Variants in TMEM63C observed in about 807,000 individuals in gnomAD.
TMEM63C encodes the protein osmosensitive cation channel TMEM63C.
A neutral mutation model predicts 99.2 loss-of-function variants in TMEM63C; 32 were observed. That is an observed-to-expected ratio of 0.32 (90% confidence interval 0.24 to 0.43). The LOEUF (loss-of-function observed/expected upper bound fraction) is 0.43, where lower values mean the gene tolerates loss of function less well. Among genes scored for constraint, TMEM63C ranks in the 20% least tolerant of loss-of-function variants. The pLI is 1.00. For synonymous variants in TMEM63C, 376 were observed against 397.9 expected (o/e 0.94, Z 0.66); for missense variants, 826 against 1,053.0 (o/e 0.78, Z 2.98).
At chr14:77,248,242 T>G (rs1051964722) in intron 18 of TMEM63C, 105 bp from the exon 19 acceptor site, 13 of 993,938 alleles carry the variant, frequency 1.3e-5, no homozygotes, top group Non-Finnish European at 1.8e-5. Context: ...GTATCTCCAC[T>G]CCGATTCCCA....
chr14:77,208,478 G>C (rs1234124580), intron 1 of TMEM63C, among the ~76,000 whole-genome samples: 1 of 152,196 alleles, frequency 6.6e-6, no homozygotes, highest in Non-Finnish European at 1.5e-5. Context: ...AACACGGCCT[G>C]AGCACCAGGG....
At position 77,218,930 on chromosome 14, in the gene TMEM63C, C is replaced by T. The variant is rs1888640892; in HGVS notation, c.117C>T (p.Pro39=). 11 of 1,606,426 alleles carry T rather than the reference C, an allele frequency of 6.8e-6. No homozygotes were observed. Among genetic ancestry groups the T allele is most frequent in the Non-Finnish European group, 9.3e-6 (11 of 1,176,538 alleles). ...AGGGGCAGCCCTTTGGGGGTGTCCC[C>T]ACCGTGCTGTGCCTCAACATCGCCC... ...VLQGQPFGGV[P]TVLCLNIALW... The change falls in exon 3 of 24, where the codon CCC becomes CCT. Residue 39 remains proline, a synonymous_variant. Coordinates refer to ENST00000298351, the MANE Select transcript of TMEM63C (RefSeq NM_020431.4).
intron 2 of TMEM63C, among the ~76,000 whole-genome samples, chr14:77,216,329 T>C (rs74879307): frequency 0.018 from 2,734 of 152,298 alleles, 85 homozygotes; most frequent in African/African-American, 0.062. Context: ...CCTGTAGATA[T>C]TGGCGCACCC....
intron 9 of TMEM63C, 74 bp downstream of exon 9, chr14:77,236,806 C>G: frequency 9.7e-7 from 1 of 1,030,626 alleles, no homozygotes; most frequent in South Asian, 1.3e-5. Context: ...CACTTCCAAC[C>G]CTCAGAGAAG....
intron 22 of TMEM63C, among the ~76,000 whole-genome samples, 174 bp downstream of exon 22, chr14:77,252,072 C>T (rs961032020): frequency 2.2e-5 from 3 of 137,440 alleles, no homozygotes; most frequent in African/African-American, 9.1e-5. Flanking sequence ...GCGTGCATGC[C>T]TTGCGTGCAT....
chr14:77,198,067 G>A (rs1294323438), intron 1 of TMEM63C, among the ~76,000 whole-genome samples: 2 of 152,226 alleles, frequency 1.3e-5, no homozygotes, highest in East Asian at 3.8e-4. Context: ...CTCCAGCCTT[G>A]GTCCACATCA....
intron 1 of TMEM63C, among the ~76,000 whole-genome samples, chr14:77,186,361 C>G (rs1275668898): frequency 6.6e-6 from 1 of 152,080 alleles, no homozygotes; most frequent in African/African-American, 2.4e-5. Context: ...AATGGCTGAC[C>G]AACAATGTCG....
chr14:77,230,929 A>G (rs529251674), intron 6 of TMEM63C, among the ~76,000 whole-genome samples: 1 of 152,328 alleles, frequency 6.6e-6, no homozygotes, highest in East Asian at 1.9e-4. Flanking sequence ...ATTTTTATAC[A>G]TGTCTCTAGG....
At chr14:77,234,381 T>C (rs970952144) in intron 8 of TMEM63C, among the ~76,000 whole-genome samples, 1 of 152,178 alleles carries the variant, frequency 6.6e-6, no homozygotes, top group Admixed American at 6.5e-5. Context: ...TATCCTCCCC[T>C]GAGGATGCCA....
intron 1 of TMEM63C, 62 bp downstream of exon 1, chr14:77,181,956 C>G (rs1219837767): frequency 6.6e-6 from 1 of 152,310 alleles, no homozygotes; most frequent in Non-Finnish European, 1.5e-5. Flanking sequence ...GAAGGGGCGC[C>G]GGATCCAGGT....
rs555697755 is a variant in TMEM63C at position 77,243,849 on chromosome 14, GCA to G, written c.1342-493_1342-492del. Among the ~76,000 whole-genome samples the G allele has an allele frequency of 3.4e-3, 513 of 151,862 alleles. 3 individuals carry two copies. The highest frequency in any genetic ancestry group is 0.01 in the African/African-American group (430 of 41,410). ...ACAGTCAACAGACGTGTGCATGCACGCACACACATACAGTCAACATGTGTGCA... is the reference window on the plus strand; with the variant it reads ...ACAGTCAACAGACGTGTGCATGCACGCACACATACAGTCAACATGTGTGCA... On this transcript the variant is annotated intron_variant, in intron 15 of 23. Coordinates refer to ENST00000298351, the MANE Select transcript of TMEM63C (RefSeq NM_020431.4).
At chr14:77,225,723 G>A (rs1048402081) in intron 6 of TMEM63C, among the ~76,000 whole-genome samples, 5 of 152,136 alleles carry the variant, frequency 3.3e-5, no homozygotes, top group Admixed American at 2.0e-4. Flanking sequence ...ATCATTACTC[G>A]CGTGCTTATA....
In TMEM63C at chr14:77,186,776, G is replaced by GGTGTGTGTGTGTGTGTGTGTGTGT. The variant is rs750331360; in HGVS notation, c.-77+4883_-77+4906dup. On this transcript the variant is annotated intron_variant, in intron 1 of 23. Coordinates refer to ENST00000298351, the MANE Select transcript of TMEM63C (RefSeq NM_020431.4). ...GGGGGAATCTTCTCAGAACCAAAGG[G>GGTGTGTGTGTGTGTGTGTGTGTGT]GTGTGTGTGTGTGTGTGTGTGTGTC... is the stretch of plus-strand genomic sequence containing the variant. Among the ~76,000 whole-genome samples the GGTGTGTGTGTGTGTGTGTGTGTGT allele has an allele frequency of 1.1e-3, 148 of 138,532 alleles. 1 individual carries two copies. In the South Asian group the frequency reaches 0.013, roughly 12 times the overall value. 90.9% of individuals were successfully genotyped at this position (138,532 alleles called of 152,430 possible).
intron 1 of TMEM63C, among the ~76,000 whole-genome samples, chr14:77,210,230 T>C (rs1302152155): frequency 6.6e-6 from 1 of 152,100 alleles, no homozygotes. Flanking sequence ...AACATGAGTA[T>C]CTAGATGTAC....
rs760014393 is a variant in TMEM63C, at chr14:77,248,797, G to C, written c.1795G>C (p.Glu599Gln). ...NQAIDFQFGREYAWMMNVFSV... is the reference protein window; with the variant it reads ...NQAIDFQFGRQYAWMMNVFSV... ...GGCCATAGACTTCCAGTTTGGGCGT[G>C]AGTATGCGTGGATGATGAACGTGTT... The change falls in exon 20 of 24, where the codon GAG becomes CAG. Residue 599 changes from glutamate to glutamine, a missense_variant. Coordinates refer to ENST00000298351, the MANE Select transcript of TMEM63C (RefSeq NM_020431.4). The C allele has an allele frequency of 1.9e-6, 3 of 1,614,084 alleles. No individual in the cohort carries two copies.
chr14:77,217,194 C>T (rs1188463659), intron 2 of TMEM63C, among the ~76,000 whole-genome samples: 1 of 152,094 alleles, frequency 6.6e-6, no homozygotes, highest in Non-Finnish European at 1.5e-5. Context: ...ACTCCCCATG[C>T]CCTTTGCCCT....
At chr14:77,182,416 C>G (rs1272216373) in intron 1 of TMEM63C, among the ~76,000 whole-genome samples, 1 of 152,206 alleles carries the variant, frequency 6.6e-6, no homozygotes, top group Non-Finnish European at 1.5e-5. Flanking sequence ...CCACCCTTTC[C>G]CCATGTGCTT....
intron 5 of TMEM63C, among the ~76,000 whole-genome samples, chr14:77,220,300 G>T (rs4903561): frequency 3.3e-5 from 5 of 152,098 alleles, no homozygotes; most frequent in East Asian, 1.9e-4. Flanking sequence ...CTACTACTAG[G>T]GTGCCAAGTA....
In TMEM63C at chr14:77,207,288, C is replaced by T. The variant is rs142716392; in HGVS notation, c.-76-6158C>T. 8.8e-3 allele frequency among the ~76,000 whole-genome samples: 1,342 copies of T among 152,354 alleles called. 8 individuals are homozygous for T. The highest frequency in any genetic ancestry group is 0.014 in the Non-Finnish European group (972 of 68,038). ...CTGAGTCCAAGTGGCCACCTTCTCC[C>T]CTGATGGCGTCCCAACTCCATCTGC... On this transcript the variant is annotated intron_variant, in intron 1 of 23. Coordinates refer to ENST00000298351, the MANE Select transcript of TMEM63C (RefSeq NM_020431.4).
Sources: allele counts gnomAD v4.1 joint callset (sites outside exome capture counted in the v4.1 genomes callset), GRCh38; gene constraint gnomAD v4.1.1; transcripts MANE v1.5; gene names NCBI Gene and HGNC (gene_info 2026-07-23, HGNC 2026-07-21).